WAPL: variants seen among roughly 807,000 people sequenced by gnomAD.
WAPL encodes WAPL cohesin release factor, also known as wings apart-like protein homolog.
Under a neutral mutation model 121.0 loss-of-function variants are expected in WAPL, and 5 were observed. The ratio of observed to expected loss-of-function variants is 0.04; its 90% CI spans 0.02 to 0.09. The LOEUF (loss-of-function observed/expected upper bound fraction) is 0.09, where lower values mean the gene tolerates loss of function less well. WAPL is among the 10% of genes least tolerant of loss of function. The pLI is 1.00. For synonymous variants in WAPL, 480 were observed against 481.5 expected (o/e 1.00, Z 0.04); for missense variants, 999 against 1,410.8 (o/e 0.71, Z 4.68).
intron 9 of WAPL, among the ~76,000 whole-genome samples, chr10:86,466,691 A>AGCC (rs10678109): frequency 0.96 from 146,420 of 152,248 alleles, 70,553 homozygotes; most frequent in East Asian, 1. Flanking sequence ...AATTCCTAAT[A>AGCC]TACATGTAGT....
intron 16 of WAPL, among the ~76,000 whole-genome samples, chr10:86,445,511 A>G (rs1425798429): frequency 1.3e-5 from 2 of 150,592 alleles, no homozygotes; most frequent in African/African-American, 4.8e-5. Flanking sequence ...ATTAGCGAAG[A>G]TATTACCTCT....
At position 86,469,253 on chromosome 10, in the gene WAPL, T is replaced by TAAATCAGCACACTCTAC. The variant is rs1564571371; in HGVS notation, c.2142+1738_2142+1739insGTAGAGTGTGCTGATTT. Among the ~76,000 whole-genome samples the TAAATCAGCACACTCTAC allele has an allele frequency of 1.1e-4, 15 of 135,990 alleles. 6 individuals carry two copies. Among genetic ancestry groups the TAAATCAGCACACTCTAC allele is most frequent in the African/African-American group, 2.1e-4 (7 of 33,810 alleles). 89.2% of individuals were successfully genotyped at this position (135,990 alleles called of 152,430 possible). A position where few individuals can be genotyped will look rare whatever the true frequency, so the allele number is the denominator to read the frequency against. On this transcript the variant is annotated intron_variant, in intron 8 of 18. Coordinates refer to ENST00000298767, the MANE Select transcript of WAPL (RefSeq NM_015045.5). ...TGGTTGAACCAAATAATTTTTTTTT[T>TAAATCAGCACACTCTAC]TTTTTTTTTTTTTTTTTGAGACGGA...
chr10:86,467,176 G>T (rs1030284259), intron 9 of WAPL, 103 bp downstream of exon 9: 1 of 1,060,462 alleles, frequency 9.4e-7, no homozygotes, highest in East Asian at 2.4e-5. Flanking sequence ...GTAAACCAAG[G>T]TTAGAATTAA....
chr10:86,455,335 A>G (rs1841116247), intron 12 of WAPL, among the ~76,000 whole-genome samples: 1 of 152,236 alleles, frequency 6.6e-6, no homozygotes, highest in African/African-American at 2.4e-5. Context: ...GTTCTGTACT[A>G]AGAAAAATTC....
rs115972569 is a variant in WAPL, at chr10:86,518,222, A to T, written c.-22-131T>A. On this transcript the variant is annotated intron_variant, in intron 1 of 18. Coordinates refer to ENST00000298767, the MANE Select transcript of WAPL (RefSeq NM_015045.5). ...CACCACACAGACTTTTAAATAAACA[A>T]ATATGAGGAAGGGGTATAAAGAAAG... 1.7e-4 allele frequency: 149 copies of T among 874,888 alleles called. No individual in the cohort carries two copies. The African/African-American group carries it at 2.4e-3, about 14-fold the overall frequency. The allele number at this position is 874,888 out of a possible 1,614,324, so 54.2% of individuals were successfully genotyped here.
chr10:86,500,656 G>A lies in WAPL; in HGVS notation c.587C>T (p.Ala196Val), dbSNP rs756113447. 3 of 1,613,536 alleles carry A rather than the reference G, an allele frequency of 1.9e-6. No homozygotes were observed. Among genetic ancestry groups the A allele is most frequent in the Non-Finnish European group, 2.5e-6 (3 of 1,179,866 alleles). ...GATTTCAGAAGCCACTGTAGTTTCT[G>A]CATTGGGTTTCTTAGTACTGTCATC... ...NADDSTKKPN[A>V]ETTVASEIKE... Residue 196 changes from alanine to valine, a missense_variant, in exon 3 of 19, where the codon GCA becomes GTA. By Grantham distance (64) the Ala-to-Val change is moderately conservative (BLOSUM62 0). Coordinates refer to ENST00000298767, the MANE Select transcript of WAPL (RefSeq NM_015045.5).
chr10:86,437,858 T>A lies in WAPL; in HGVS notation c.3507+62A>T, dbSNP rs1235193485. 4.6e-6 allele frequency: 6 copies of A among 1,291,176 alleles called. No homozygotes were observed. The African/African-American group carries it at 8.9e-5, about 19-fold the overall frequency. 80.0% of individuals were successfully genotyped at this position (1,291,176 alleles called of 1,614,324 possible). On this transcript the variant is annotated intron_variant, in intron 18 of 18. Coordinates refer to ENST00000298767, the MANE Select transcript of WAPL (RefSeq NM_015045.5). ...CCACTTACTATGGCCATAGTATTTT[T>A]ATGTCTACTGTCAATGTATTATAAA...
chr10:86,505,683 T>C (rs1408015295), intron 2 of WAPL, among the ~76,000 whole-genome samples: 1 of 152,120 alleles, frequency 6.6e-6, no homozygotes, highest in Non-Finnish European at 1.5e-5. Flanking sequence ...CATATTTTTA[T>C]ACCAAGAATT....
chr10:86,519,463 C>G (rs940943009), intron 1 of WAPL, among the ~76,000 whole-genome samples: 1 of 152,178 alleles, frequency 6.6e-6, no homozygotes, highest in African/African-American at 2.4e-5. Context: ...TATAATGAGT[C>G]ACTGTCTGAG....
chr10:86,490,469 T>C (rs576384509), intron 4 of WAPL, among the ~76,000 whole-genome samples: 1 of 152,228 alleles, frequency 6.6e-6, no homozygotes, highest in South Asian at 2.1e-4. Context: ...GCTATGTTAC[T>C]AGCAAAGAAA....
chr10:86,488,953 T>C (rs1299984578), intron 4 of WAPL, among the ~76,000 whole-genome samples: 1 of 152,232 alleles, frequency 6.6e-6, no homozygotes, highest in Non-Finnish European at 1.5e-5. Context: ...AATACCATCT[T>C]AACCAAGTGA....
chr10:86,502,376 T>C (rs1842263486), intron 2 of WAPL, among the ~76,000 whole-genome samples: 1 of 152,226 alleles, frequency 6.6e-6, no homozygotes, highest in South Asian at 2.1e-4. Context: ...TTATACTGCA[T>C]GTAAGTTGTC....
In WAPL at chr10:86,471,046, T is replaced by C. The variant is rs546438818; in HGVS notation, c.2088A>G (p.Ala696=). The C allele has an allele frequency of 6.2e-7, 1 of 1,614,000 alleles. No homozygotes were observed. The highest frequency in any genetic ancestry group is 8.5e-7 in the Non-Finnish European group (1 of 1,179,968). ...TAAAGACCATTGCTACCATCCCATGTGCTCTCAGGTGCATTCGAAAACTGG... is the reference window on the plus strand; with the variant it reads ...TAAAGACCATTGCTACCATCCCATGCGCTCTCAGGTGCATTCGAAAACTGG... ...AMPSFRMHLR[A]HGMVAMVFKT... Residue 696 remains alanine, a synonymous_variant, in exon 8 of 19, where the codon GCA becomes GCG. Coordinates refer to ENST00000298767, the MANE Select transcript of WAPL (RefSeq NM_015045.5).
chr10:86,464,801 A>G (rs1841362547), intron 9 of WAPL, among the ~76,000 whole-genome samples: 2 of 152,176 alleles, frequency 1.3e-5, no homozygotes, highest in Admixed American at 1.3e-4. Context: ...ACACCACTGC[A>G]CTCCGGCCTG....
rs140938386 is a variant in WAPL at position 86,454,152 on chromosome 10, G to C, written c.2658-321C>G. Among the ~76,000 whole-genome samples the C allele has an allele frequency of 4.6e-5, 7 of 152,274 alleles. 1 individual carries two copies. In the East Asian group the frequency reaches 1.4e-3, roughly 29 times the overall value. On this transcript the variant is annotated intron_variant, in intron 12 of 18. Transcript: ENST00000298767. ...TTAACAGCTAATGTTGGACACTTCT[G>C]AGGTAGTAAATGTTATTACTACATA...
intron 15 of WAPL, among the ~76,000 whole-genome samples, chr10:86,451,086 T>A (rs992322684): frequency 2.0e-5 from 3 of 151,592 alleles, no homozygotes; most frequent in Admixed American, 2.0e-4. Flanking sequence ...GAAGTGGATG[T>A]GATGGGCCTG....
chr10:86,460,537 G>C, intron 10 of WAPL, 41 bp from the exon 11 acceptor site: 1 of 1,504,046 alleles, frequency 6.6e-7, no homozygotes, highest in South Asian at 1.1e-5. Flanking sequence ...ATTTATCATC[G>C]ATACTTACCA....
intron 14 of WAPL, among the ~76,000 whole-genome samples, chr10:86,452,834 G>GT (rs2132173437): frequency 6.6e-6 from 1 of 151,798 alleles, no homozygotes; most frequent in South Asian, 2.1e-4. Flanking sequence ...GAGGCCAGGA[G>GT]TTTGAAACCA....
chr10:86,451,910 A>C, intron 15 of WAPL, 57 bp downstream of exon 15: 2 of 1,588,268 alleles, frequency 1.3e-6, no homozygotes, highest in Non-Finnish European at 1.7e-6. Context: ...TGATAAAAGA[A>C]ATTGGACAAA....
Sources: gnomAD v4.1 joint callset for allele counts (sites outside exome capture counted in the v4.1 genomes callset) on GRCh38, gnomAD v4.1.1 for gene constraint, MANE v1.5 for transcripts, NCBI Gene and HGNC (gene_info 2026-07-23, HGNC 2026-07-21) for gene names.